Variants in FRY observed in about 807,000 individuals in gnomAD.
The protein encoded by FRY is FRY microtubule binding protein.
In FRY, 128 loss-of-function variants were observed where a neutral mutation model predicts 348.4. The observed-to-expected ratio is 0.37, with a 90% CI of 0.32 to 0.43. The LOEUF is 0.43. FRY is among the 20% of genes least tolerant of loss of function. The pLI is 1.00. For synonymous variants in FRY, 1,370 were observed against 1,374.7 expected, an observed-to-expected ratio of 1.00 and a Z score of 0.08; for missense variants, 2,736 against 3,695.2, an observed-to-expected ratio of 0.74 and a Z score of 6.73.
At chr13:32,125,928 G>A (rs901865419) in intron 7 of FRY, among the ~76,000 whole-genome samples, 1 of 152,118 alleles carries the variant, frequency 6.6e-6, no homozygotes, top group African/African-American at 2.4e-5. Flanking sequence ...GCAACAGAAA[G>A]GAAAGAAACT....
chr13:32,159,446 G>A (rs1034615386), intron 16 of FRY, among the ~76,000 whole-genome samples: 1 of 151,780 alleles, frequency 6.6e-6, no homozygotes, highest in Non-Finnish European at 1.5e-5. Flanking sequence ...TCCCTTTTGT[G>A]GTTCATGCTA....
chr13:32,057,720 G>A (rs1873714011), intron 1 of FRY, among the ~76,000 whole-genome samples: 2 of 152,144 alleles, frequency 1.3e-5, no homozygotes, highest in Admixed American at 1.3e-4. Flanking sequence ...AGCACTTTGG[G>A]AGGCTGAGGC....
chr13:32,225,554 A>G (rs1251649313), intron 38 of FRY, among the ~76,000 whole-genome samples: 1 of 152,250 alleles, frequency 6.6e-6, no homozygotes, highest in East Asian at 1.9e-4. Flanking sequence ...CAAATGCTAC[A>G]GAGAGGTCAA....
At chr13:32,261,869 A>T in intron 52 of FRY, 53 bp downstream of exon 52, 1 of 1,503,544 alleles carries the variant, frequency 6.7e-7, no homozygotes, top group Non-Finnish European at 9.2e-7. Flanking sequence ...TTTTGTAACT[A>T]ATGCAGGAGG....
chr13:32,285,779 G>C (rs762312347), intron 58 of FRY, among the ~76,000 whole-genome samples: 1 of 152,280 alleles, frequency 6.6e-6, no homozygotes, highest in East Asian at 1.9e-4. Flanking sequence ...ATTTGATGTT[G>C]TCCAAAAAGT....
At chr13:32,045,903 G>T (rs557191874) in intron 1 of FRY, among the ~76,000 whole-genome samples, 1 of 152,358 alleles carries the variant, frequency 6.6e-6, no homozygotes, top group East Asian at 1.9e-4. Flanking sequence ...CTTGCTGAAA[G>T]TTAAGACCAA....
chr13:32,130,492 T>TGTG (rs1566087534), intron 7 of FRY, among the ~76,000 whole-genome samples: 7 of 70,696 alleles, frequency 9.9e-5, no homozygotes, highest in South Asian at 4.4e-4. Flanking sequence ...GTGTGTGTAT[T>TGTG]TTTTGGTGAA....
At position 32,296,701 on chromosome 13, in the gene FRY, T is replaced by C. The variant is rs1164878803; in HGVS notation, c.*1241T>C. ...GTTTGTCCTGGGCACACATGAAGTT[T>C]TGCATGTGGGTTGCCAAAGTAATAA... On this transcript the variant is annotated 3_prime_UTR_variant, in exon 61 of 61. Transcript: ENST00000542859. The C allele has an allele frequency of 1.3e-5, 2 of 152,354 alleles. No individual in the cohort carries two copies. The highest frequency in any genetic ancestry group is 2.9e-5 in the Non-Finnish European group (2 of 68,020). The allele number at this position is 152,354 out of a possible 1,614,324, so 9.4% of individuals were successfully genotyped here. A position where few individuals can be genotyped will look rare whatever the true frequency, so the allele number is the denominator to read the frequency against.
chr13:32,110,889 G>A (rs1415889916), intron 3 of FRY, among the ~76,000 whole-genome samples: 1 of 152,194 alleles, frequency 6.6e-6, no homozygotes, highest in Non-Finnish European at 1.5e-5. Flanking sequence ...ATGTGTCAGA[G>A]CAATCAGAAT....
At chr13:32,252,674 A>G (rs1450054206) in intron 50 of FRY, among the ~76,000 whole-genome samples, 4 of 152,138 alleles carry the variant, frequency 2.6e-5, no homozygotes, top group African/African-American at 7.2e-5. Flanking sequence ...AAGAATTAGC[A>G]AACACATTTC....
intron 37 of FRY, 128 bp from the exon 38 acceptor site, chr13:32,224,805 C>G (rs1885494883): frequency 4.2e-6 from 3 of 707,990 alleles, no homozygotes; most frequent in Admixed American, 4.1e-5. Flanking sequence ...AACTCTATTT[C>G]CCCCGAATAA....
At chr13:32,168,648 AT>A (rs1448340665) in intron 17 of FRY, among the ~76,000 whole-genome samples, 1 of 152,250 alleles carries the variant, frequency 6.6e-6, no homozygotes, top group African/African-American at 2.4e-5. Context: ...AGAACTGTAG[AT>A]TTAATTGTAT....
intron 34 of FRY, among the ~76,000 whole-genome samples, chr13:32,211,458 CA>C (rs901976379): frequency 6.6e-5 from 10 of 151,402 alleles, no homozygotes; most frequent in Non-Finnish European, 1.0e-4. Flanking sequence ...GACTGTATCT[CA>C]AAAAAAAGAG....
At chr13:32,100,014 T>A (rs1357351557) in intron 2 of FRY, among the ~76,000 whole-genome samples, 1 of 152,102 alleles carries the variant, frequency 6.6e-6, no homozygotes, top group Non-Finnish European at 1.5e-5. Context: ...TGGTAGGTTC[T>A]CCCTCAGTAC....
chr13:32,206,308 T>G (rs1486217278), intron 31 of FRY, among the ~76,000 whole-genome samples: 6 of 152,084 alleles, frequency 3.9e-5, no homozygotes, highest in African/African-American at 1.4e-4. Context: ...AAGGGTTTCA[T>G]GGAAACATAA....
chr13:32,257,472 T>A (rs567694583), intron 51 of FRY, among the ~76,000 whole-genome samples: 20 of 152,362 alleles, frequency 1.3e-4, no homozygotes, highest in African/African-American at 4.8e-4. Context: ...TTAGAATCTT[T>A]AAAAGGTGTT....
chr13:32,092,373 T>A (rs1876371194), intron 2 of FRY, among the ~76,000 whole-genome samples: 2 of 152,254 alleles, frequency 1.3e-5, no homozygotes, highest in South Asian at 4.1e-4. Context: ...CTGGCCATCT[T>A]TCTTTCCTCC....
chr13:32,084,005 T>C (rs1206046774), intron 2 of FRY, among the ~76,000 whole-genome samples: 1 of 152,182 alleles, frequency 6.6e-6, no homozygotes, highest in Non-Finnish European at 1.5e-5. Flanking sequence ...CCCTTTTCCT[T>C]TCTTGTGAAC....
chr13:32,244,294 G>A, intron 47 of FRY, 112 bp downstream of exon 47: 1 of 962,344 alleles, frequency 1.0e-6, no homozygotes, highest in African/African-American at 1.6e-5. Context: ...TTCATTCCTT[G>A]ACATCCATGG....
Sources: gnomAD v4.1 joint callset for allele counts (sites outside exome capture counted in the v4.1 genomes callset) on GRCh38, gnomAD v4.1.1 for gene constraint, MANE v1.5 for transcripts, NCBI Gene and HGNC (gene_info 2026-07-23, HGNC 2026-07-21) for gene names.